PCDH11X: variants seen among roughly 807,000 people sequenced by gnomAD.
PCDH11X encodes the protein protocadherin 11 X-linked.
Under a neutral mutation model 53.3 loss-of-function variants are expected in PCDH11X, and 18 were observed. That is an observed-to-expected ratio of 0.34 (90% confidence interval 0.23 to 0.50). PCDH11X has a LOEUF of 0.50. Ranked by LOEUF, PCDH11X falls within the 20% of genes least tolerant of loss-of-function variation. The pLI, the probability that PCDH11X is intolerant of heterozygous loss-of-function variation, is 0.98. For missense variants in PCDH11X, 570 were observed against 1,032.4 expected (o/e 0.55, Z 6.14); for synonymous variants, 279 against 393.3 (o/e 0.71, Z 3.44).
intron 10 of PCDH11X, among the ~76,000 whole-genome samples, chrX:92,513,630 C>T (rs1444278575): frequency 9.3e-6 from 1 of 107,816 alleles, no homozygotes; most frequent in Non-Finnish European, 1.9e-5. Context: ...TCACTTATGT[C>T]AACATTTTTT....
intron 5 of PCDH11X, among the ~76,000 whole-genome samples, chrX:91,861,150 TCATAA>T (rs1228954554): frequency 9.0e-6 from 1 of 111,709 alleles, no homozygotes; most frequent in Non-Finnish European, 1.9e-5. Flanking sequence ...TCCTTCAATT[TCATAA>T]CTCATTATTG....
At chrX:92,270,467 G>A (rs2067932694) in intron 8 of PCDH11X, among the ~76,000 whole-genome samples, 1 of 112,003 alleles carries the variant, frequency 8.9e-6, no homozygotes, top group East Asian at 2.8e-4. Context: ...CCACTCAAGA[G>A]TTCCCTTCAT....
intron 6 of PCDH11X, among the ~76,000 whole-genome samples, chrX:91,887,360 A>G (rs1367067189): frequency 3.6e-5 from 4 of 111,219 alleles, no homozygotes; most frequent in Non-Finnish European, 7.5e-5. Flanking sequence ...AGAATATTCA[A>G]AGATTCTGTG....
intron 9 of PCDH11X, among the ~76,000 whole-genome samples, chrX:92,400,046 C>T (rs1457963213): frequency 1.9e-5 from 2 of 106,873 alleles, no homozygotes; most frequent in African/African-American, 6.9e-5. Flanking sequence ...CCACCGTGCC[C>T]GGCCTTTTTC....
chrX:92,427,782 T>C (rs1385201973), intron 9 of PCDH11X, among the ~76,000 whole-genome samples: 1 of 68,656 alleles, frequency 1.5e-5, no homozygotes, highest in Non-Finnish European at 2.7e-5. Context: ...TGAAGTATTA[T>C]GGTGCTGGTT....
At chrX:92,372,810 T>C (rs2070657087) in intron 8 of PCDH11X, among the ~76,000 whole-genome samples, 1 of 107,984 alleles carries the variant, frequency 9.3e-6, no homozygotes, top group African/African-American at 3.4e-5. Flanking sequence ...AACTATATTA[T>C]TAATAGAACA....
At chrX:92,070,007 A>G (rs1474737699) in intron 6 of PCDH11X, among the ~76,000 whole-genome samples, 1 of 111,618 alleles carries the variant, frequency 9.0e-6, no homozygotes, top group African/African-American at 3.3e-5. Flanking sequence ...ATGGATAACA[A>G]TAACACTGAT....
At chrX:91,924,804 A>C (rs1048080490) in intron 6 of PCDH11X, among the ~76,000 whole-genome samples, 2 of 111,230 alleles carry the variant, frequency 1.8e-5, no homozygotes, top group African/African-American at 6.5e-5. Flanking sequence ...CTCATCAGTA[A>C]TTGTGTATGT....
At chrX:92,437,151 G>A (rs1261494489) in intron 9 of PCDH11X, among the ~76,000 whole-genome samples, 2 of 110,253 alleles carry the variant, frequency 1.8e-5, no homozygotes, top group Non-Finnish European at 3.8e-5. Context: ...ACAAAAATTT[G>A]AAAATGAAAA....
At chrX:91,887,009 T>A (rs1245692080) in intron 6 of PCDH11X, among the ~76,000 whole-genome samples, 1 of 102,927 alleles carries the variant, frequency 9.7e-6, no homozygotes, top group Non-Finnish European at 2.0e-5. Context: ...AAAGAAAATA[T>A]ATATATACTT....
At chrX:92,261,983 G>A (rs894249872) in intron 7 of PCDH11X, among the ~76,000 whole-genome samples, 4 of 111,349 alleles carry the variant, frequency 3.6e-5, no homozygotes, top group East Asian at 2.8e-4. Flanking sequence ...AACAACACTC[G>A]AAGTGGAAGG....
chrX:92,566,076 G>A (rs1921437792), intron 10 of PCDH11X, among the ~76,000 whole-genome samples: 2 of 110,111 alleles, frequency 1.8e-5, no homozygotes, highest in East Asian at 2.9e-4. Flanking sequence ...ATGTCAACAG[G>A]ATTTCACAGG....
At chrX:92,048,221 A>C (rs2063319022) in intron 6 of PCDH11X, among the ~76,000 whole-genome samples, 1 of 96,814 alleles carries the variant, frequency 1.0e-5, no homozygotes, top group Non-Finnish European at 2.0e-5. Flanking sequence ...TTACCTATTG[A>C]TATAAAGCTT....
At chrX:92,575,081 A>G (rs1922665797) in intron 10 of PCDH11X, among the ~76,000 whole-genome samples, 1 of 110,865 alleles carries the variant, frequency 9.0e-6, no homozygotes. Flanking sequence ...TCATCACTTC[A>G]TTCTATTTGG....
chrX:91,817,772 C>G (rs1266002917), intron 4 of PCDH11X, among the ~76,000 whole-genome samples: 4 of 111,181 alleles, frequency 3.6e-5, no homozygotes, highest in Non-Finnish European at 5.7e-5. Flanking sequence ...AAAGAGAGTT[C>G]TTTTTTCAAG....
intron 6 of PCDH11X, among the ~76,000 whole-genome samples, chrX:91,964,118 A>G (rs1390286955): frequency 1.9e-5 from 2 of 104,527 alleles, no homozygotes; most frequent in African/African-American, 7.9e-5. Context: ...GGGAGATGAA[A>G]GATCTCTACA....
At chrX:91,860,030 C>T (rs1388672298) in intron 5 of PCDH11X, among the ~76,000 whole-genome samples, 1 of 108,026 alleles carries the variant, frequency 9.3e-6, no homozygotes, top group African/African-American at 3.4e-5. Flanking sequence ...AATGGGAATA[C>T]CATCTATAAA....
chrX:91,795,162 C>G (rs1485804858), intron 1 of PCDH11X, among the ~76,000 whole-genome samples: 2 of 112,003 alleles, frequency 1.8e-5, no homozygotes, highest in Non-Finnish European at 3.8e-5. Flanking sequence ...ATTTTTTTGT[C>G]TTTGTGCATA....
At chrX:91,907,406 C>G (rs866195683) in intron 6 of PCDH11X, among the ~76,000 whole-genome samples, 2 of 62,372 alleles carry the variant, frequency 3.2e-5, no homozygotes, top group African/African-American at 7.0e-5. Flanking sequence ...CACACACACA[C>G]ACACACAGAG....
Sources: gnomAD v4.1 joint callset for allele counts (sites outside exome capture counted in the v4.1 genomes callset) on GRCh38, gnomAD v4.1.1 for gene constraint, MANE v1.5 for transcripts, NCBI Gene and HGNC (gene_info 2026-07-23, HGNC 2026-07-21) for gene names.